Variants in TTLL5 observed in about 807,000 individuals in gnomAD.
TTLL5 encodes tubulin polyglutamylase TTLL5.
A neutral mutation model predicts 168.4 loss-of-function variants in TTLL5; 132 were observed. The observed-to-expected ratio is 0.78, with a 90% confidence interval of 0.68 to 0.91. The LOEUF (loss-of-function observed/expected upper bound fraction) is 0.91. TTLL5 is among the 40% of genes least tolerant of loss of function. The probability of loss-of-function intolerance (pLI) is 0.00; values close to 1 mark genes in which losing one functional copy is unlikely to be tolerated. For missense variants in TTLL5, 1,545 were observed against 1,581.5 expected, an observed-to-expected ratio of 0.98 and a Z score of 0.39; for synonymous variants, 546 against 558.6, an observed-to-expected ratio of 0.98 and a Z score of 0.32.
At chr14:75,680,463 A>G (rs1884512305) in intron 3 of TTLL5, among the ~76,000 whole-genome samples, 1 of 152,104 alleles carries the variant, frequency 6.6e-6, no homozygotes, top group Non-Finnish European at 1.5e-5. Context: ...AAGCTAAGCA[A>G]TGAATTCAAT....
intron 31 of TTLL5, among the ~76,000 whole-genome samples, chr14:75,913,730 T>G (rs1362902947): frequency 6.6e-6 from 1 of 152,016 alleles, no homozygotes; most frequent in East Asian, 1.9e-4. Context: ...TTCCTATTCT[T>G]AGGCCAAGCT....
In TTLL5 at chr14:75,707,057, C is replaced by G; in HGVS notation, c.625C>G (p.Arg209Gly). Residue 209 changes from arginine (R) to glycine (G), a missense_variant, in exon 8 of 32, where the codon CGT becomes GGT. Coordinates refer to ENST00000298832, the MANE Select transcript of TTLL5 (RefSeq NM_015072.5). The part of the protein sequence containing the change: ...ISLEENILVS[R>G]YINNPLLIDD... ...CCTGGAAGAGAACATTTTGGTCTCC[C>G]GTTACATTAACAACCCCCTGCTCAT... 6.2e-7 allele frequency: 1 copy of G among 1,612,736 alleles called. No homozygotes were observed. Among genetic ancestry groups the G allele is most frequent in the Non-Finnish European group, 8.5e-7 (1 of 1,179,160 alleles).
chr14:75,819,134 C>G (rs1894685140), intron 27 of TTLL5, among the ~76,000 whole-genome samples: 1 of 152,144 alleles, frequency 6.6e-6, no homozygotes, highest in Non-Finnish European at 1.5e-5. Context: ...AGCTTGGCAC[C>G]TAGTGAGTTC....
rs1334925644 is a variant in TTLL5 at position 75,735,189 on chromosome 14, A to T, written c.1187-6A>T. The T allele has an allele frequency of 6.2e-7, 1 of 1,614,148 alleles. No homozygotes were observed. The highest frequency in any genetic ancestry group is 2.2e-5 in the East Asian group (1 of 44,888). On this transcript the variant is annotated splice_region_variant and splice_polypyrimidine_tract_variant and intron_variant, in intron 14 of 31. Coordinates refer to ENST00000298832, the MANE Select transcript of TTLL5 (RefSeq NM_015072.5). Reference sequence around the variant, plus strand: ...CAGGTTTTAATGTTGCCCATTCCCCATTCAGGATTTGTGTGCCAAGATCCT... The same window carrying T: ...CAGGTTTTAATGTTGCCCATTCCCCTTTCAGGATTTGTGTGCCAAGATCCT...
chr14:75,705,539 C>T (rs773834217), intron 7 of TTLL5, among the ~76,000 whole-genome samples: 4 of 152,112 alleles, frequency 2.6e-5, no homozygotes, highest in African/African-American at 9.7e-5. Flanking sequence ...TTATTAGCTC[C>T]GTGACTTTGA....
intron 28 of TTLL5, among the ~76,000 whole-genome samples, chr14:75,823,322 T>A (rs1894940940): frequency 6.6e-6 from 1 of 152,220 alleles, no homozygotes; most frequent in South Asian, 2.1e-4. Flanking sequence ...CATCTCATCA[T>A]TACTGCCAGC....
At chr14:75,915,056 T>TA (rs1308610730) in intron 31 of TTLL5, among the ~76,000 whole-genome samples, 1 of 152,260 alleles carries the variant, frequency 6.6e-6, no homozygotes, top group Non-Finnish European at 1.5e-5. Context: ...GGAACAAAGT[T>TA]AAAATGAGAT....
chr14:75,751,741 G>A (rs1194422726), intron 17 of TTLL5, among the ~76,000 whole-genome samples: 1 of 152,132 alleles, frequency 6.6e-6, no homozygotes, highest in African/African-American at 2.4e-5. Context: ...GTGAGAGAGT[G>A]TTACTGGAAA....
At chr14:75,814,131 A>G (rs151165181) in intron 27 of TTLL5, among the ~76,000 whole-genome samples, 3,556 of 152,316 alleles carry the variant, frequency 0.023, 70 homozygotes, top group Non-Finnish European at 0.038. Context: ...GTATAATGCA[A>G]ATATTCCAAA....
At chr14:75,724,389 A>G (rs530586826) in intron 12 of TTLL5, among the ~76,000 whole-genome samples, 2 of 152,284 alleles carry the variant, frequency 1.3e-5, no homozygotes, top group African/African-American at 4.8e-5. Flanking sequence ...GTTCCTCTCA[A>G]ACCAAATTTT....
At chr14:75,763,614 G>T (rs916776672) in intron 18 of TTLL5, among the ~76,000 whole-genome samples, 1 of 152,166 alleles carries the variant, frequency 6.6e-6, no homozygotes, top group South Asian at 2.1e-4. Flanking sequence ...GCGTTTGAGC[G>T]TAGAGAGTTG....
intron 4 of TTLL5, 35 bp downstream of exon 4, chr14:75,681,662 C>A: frequency 1.3e-6 from 2 of 1,584,518 alleles, no homozygotes; most frequent in South Asian, 2.2e-5. Flanking sequence ...CTGATCTGCT[C>A]ATAAGCTGAA....
intron 30 of TTLL5, among the ~76,000 whole-genome samples, chr14:75,893,476 GATA>G (rs1239235063): frequency 6.6e-6 from 1 of 152,182 alleles, no homozygotes; most frequent in African/African-American, 2.4e-5. Flanking sequence ...TCGAAGTGTT[GATA>G]ATAAACTTTC....
intron 3 of TTLL5, among the ~76,000 whole-genome samples, chr14:75,677,376 TTCTC>T (rs202192709): frequency 4.1e-5 from 6 of 147,912 alleles, no homozygotes; most frequent in African/African-American, 1.5e-4. Context: ...GAGATTCTCT[TTCTC>T]TCTCTCTCTC....
chr14:75,772,628 A>C (rs1891410301), intron 21 of TTLL5, among the ~76,000 whole-genome samples: 1 of 151,962 alleles, frequency 6.6e-6, no homozygotes, highest in African/African-American at 2.4e-5. Flanking sequence ...GCTGTTTGGT[A>C]AGGTCAGAGT....
Position 75,847,321 on chromosome 14 carries a change from A to C in TTLL5, c.3327-16346A>C, listed in dbSNP as rs565370448. Among the ~76,000 whole-genome samples, 31 of 151,932 alleles carry C rather than the reference A, an allele frequency of 2.0e-4. 2 individuals carry two copies. The highest frequency in any genetic ancestry group is 7.3e-4 in the African/African-American group (30 of 41,322). On this transcript the variant is annotated intron_variant, in intron 28 of 31. Transcript: ENST00000298832. ...TCTGGCTGTATTTCTTTTTTTTATC[A>C]CATTAATACCAAAGCTGATTAGCTT...
At chr14:75,936,382 C>T (rs1242866136) in intron 31 of TTLL5, among the ~76,000 whole-genome samples, 1 of 152,166 alleles carries the variant, frequency 6.6e-6, no homozygotes, top group Non-Finnish European at 1.5e-5. Context: ...CTTTCTCTGG[C>T]TTGTCTTAAA....
intron 21 of TTLL5, among the ~76,000 whole-genome samples, chr14:75,774,040 A>G (rs1192337791): frequency 1.4e-5 from 2 of 144,722 alleles, no homozygotes; most frequent in African/African-American, 5.1e-5. Flanking sequence ...TGATTGTAGC[A>G]GTGGTCTTGC....
chr14:75,816,453 G>C (rs578136308), intron 27 of TTLL5, among the ~76,000 whole-genome samples: 1 of 152,168 alleles, frequency 6.6e-6, no homozygotes, highest in Admixed American at 6.5e-5. Flanking sequence ...ATTGCACATA[G>C]TGAGTGTTCC....
Sources: gnomAD v4.1 joint callset for allele counts (sites outside exome capture counted in the v4.1 genomes callset) on GRCh38, gnomAD v4.1.1 for gene constraint, MANE v1.5 for transcripts, NCBI Gene and HGNC (gene_info 2026-07-23, HGNC 2026-07-21) for gene names.